AKAP12: variants seen among roughly 807,000 people sequenced by gnomAD.
The protein encoded by AKAP12 is A-kinase anchoring protein 12.
In AKAP12, 32 loss-of-function variants were observed where a neutral mutation model predicts 79.9. The ratio of observed to expected loss-of-function variants is 0.40; its 90% confidence interval spans 0.30 to 0.54. The LOEUF (loss-of-function observed/expected upper bound fraction) is 0.54. Ranked by LOEUF, AKAP12 falls within the 20% of genes least tolerant of loss-of-function variation. The pLI, the probability that AKAP12 is intolerant of heterozygous loss-of-function variation, is 0.48. For synonymous variants in AKAP12, 808 were observed against 857.0 expected (o/e 0.94, Z 1.00); for missense variants, 2,074 against 2,177.0 (o/e 0.95, Z 0.94).
intron 2 of AKAP12, among the ~76,000 whole-genome samples, chr6:151,304,968 A>G (rs945285086): frequency 4.6e-5 from 7 of 152,220 alleles, no homozygotes; most frequent in African/African-American, 9.6e-5. Flanking sequence ...TAAGGAAAAA[A>G]CAATGACCCA....
chr6:151,244,919 A>C (rs1457290428), intron 2 of AKAP12, among the ~76,000 whole-genome samples: 1 of 152,224 alleles, frequency 6.6e-6, no homozygotes, highest in Admixed American at 6.5e-5. Flanking sequence ...CTAGTGGATG[A>C]ATAAGATAAG....
At chr6:151,348,680 T>TGGGGGGGCC in intron 3 of AKAP12, 31 bp from the exon 4 acceptor site, 2 of 355,200 alleles carry the variant, frequency 5.6e-6, no homozygotes, top group Non-Finnish European at 1.1e-5. Flanking sequence ...TTTTCTCTTC[T>TGGGGGGGCC]CCCCACCCCC....
intron 2 of AKAP12, among the ~76,000 whole-genome samples, chr6:151,299,155 A>G (rs1776802237): frequency 6.6e-6 from 1 of 152,208 alleles, no homozygotes; most frequent in Non-Finnish European, 1.5e-5. Context: ...CGTCCCGTTC[A>G]ATGTTTTTGA....
At chr6:151,293,616 C>T (rs1776664207) in intron 2 of AKAP12, among the ~76,000 whole-genome samples, 1 of 152,164 alleles carries the variant, frequency 6.6e-6, no homozygotes, top group Non-Finnish European at 1.5e-5. Context: ...GGTCTGTATT[C>T]TGTGCTCTGT....
At position 151,352,328 on chromosome 6, in the gene AKAP12, G is replaced by A; in HGVS notation, c.3937G>A (p.Glu1313Lys). 6.2e-7 allele frequency: 1 copy of A among 1,614,184 alleles called. No individual in the cohort carries two copies. The highest frequency in any genetic ancestry group is 1.1e-5 in the South Asian group (1 of 91,080). The change falls in exon 4 of 5, where the codon GAA (glutamate) becomes AAA (lysine). Residue 1313 changes from glutamate (E) to lysine (K), a missense_variant. Coordinates refer to ENST00000402676, the MANE Select transcript of AKAP12 (RefSeq NM_005100.4). The stretch of plus-strand genomic sequence containing the variant: ...TAAAGGTGAAGGGACAGAAGAAGCT[G>A]AATGTAAAAAGGATGATGCTCTTGA... ...ALKGEGTEEA[E>K]CKKDDALELQ...
chr6:151,305,631 C>A, intron 2 of AKAP12, 116 bp from the exon 3 acceptor site: 1 of 1,049,540 alleles, frequency 9.5e-7, no homozygotes, highest in Non-Finnish European at 1.4e-6. Flanking sequence ...TGTTTTTGAA[C>A]TTCCTTTTCT....
chr6:151,345,296 C>G (rs927061579), intron 3 of AKAP12, among the ~76,000 whole-genome samples: 1 of 151,000 alleles, frequency 6.6e-6, no homozygotes. Context: ...AGGATGGTCT[C>G]GATCTCCTGA....
At chr6:151,338,469 T>TC (rs1328459028) in intron 3 of AKAP12, among the ~76,000 whole-genome samples, 10 of 142,928 alleles carry the variant, frequency 7.0e-5, no homozygotes, top group Non-Finnish European at 1.1e-4. Context: ...TTTTTTTTTT[T>TC]CCCCGAGATG....
intron 2 of AKAP12, among the ~76,000 whole-genome samples, chr6:151,284,504 T>G (rs1001312589): frequency 6.6e-6 from 1 of 152,124 alleles, no homozygotes; most frequent in African/African-American, 2.4e-5. Context: ...AGTGTGCGCC[T>G]GTAGTCCCAG....
chr6:151,310,848 C>T (rs2473610), intron 3 of AKAP12, among the ~76,000 whole-genome samples: 5,769 of 152,268 alleles, frequency 0.038, 155 homozygotes, highest in Admixed American at 0.095. Flanking sequence ...TTGAGATTTG[C>T]GTCTCTGCAG....
intron 3 of AKAP12, among the ~76,000 whole-genome samples, chr6:151,312,052 T>C (rs540814719): frequency 2.0e-5 from 3 of 152,314 alleles, no homozygotes; most frequent in South Asian, 2.1e-4. Context: ...TGTGACATCA[T>C]TGGTATCTTG....
chr6:151,310,133 C>T (rs1465599508), intron 3 of AKAP12, among the ~76,000 whole-genome samples: 4 of 151,988 alleles, frequency 2.6e-5, no homozygotes, highest in East Asian at 1.9e-4. Flanking sequence ...GGGGCCGAGG[C>T]GAGTGGATCA....
At position 151,332,041 on chromosome 6, in the gene AKAP12, T is replaced by TTTG. The variant is rs1562743261; in HGVS notation, c.320-16668_320-16667insGTT. Among the ~76,000 whole-genome samples the TTTG allele has an allele frequency of 3.0e-4, 42 of 140,460 alleles. 1 individual carries two copies. Among genetic ancestry groups the TTTG allele is most frequent in the African/African-American group, 1.1e-3 (42 of 36,734 alleles). The allele number at this position is 140,460 out of a possible 152,430, so 92.1% of individuals were successfully genotyped here. On this transcript the variant is annotated intron_variant, in intron 3 of 4. Coordinates refer to ENST00000402676, the MANE Select transcript of AKAP12 (RefSeq NM_005100.4). ...CGTCCAGTTCTGGGTCTGTTTTTTTTTTTTTTTTTTTTTGAGACAGTCTCG... is the reference window on the plus strand; with the variant it reads ...CGTCCAGTTCTGGGTCTGTTTTTTTTTTGTTTTTTTTTTTTTGAGACAGTCTCG...
chr6:151,349,064 G>A lies in AKAP12; in HGVS notation c.673G>A (p.Ala225Thr), dbSNP rs141730074. The change falls in exon 4 of 5, where the codon GCA becomes ACA. Residue 225 changes from alanine (A) to threonine (T), a missense_variant. Transcript: ENST00000402676. ...HKDPSLGAGE[A>T]ASKESEPKQS... ...GGACCCCAGCCTTGGGGCTGGAGAA[G>A]CAGCATCCAAAGAAAGCGAACCCAA... The A allele has an allele frequency of 9.5e-5, 153 of 1,612,486 alleles. 1 individual carries two copies. In the African/African-American group the frequency reaches 1.8e-3, roughly 19 times the overall value.
At chr6:151,241,386 AC>A (rs1455723627) in intron 2 of AKAP12, among the ~76,000 whole-genome samples, 1 of 152,214 alleles carries the variant, frequency 6.6e-6, no homozygotes, top group Non-Finnish European at 1.5e-5. Flanking sequence ...GGTTTCGCAA[AC>A]CAGCCAGCGC....
intron 3 of AKAP12, among the ~76,000 whole-genome samples, chr6:151,344,700 G>A (rs1778043469): frequency 6.6e-6 from 1 of 151,834 alleles, no homozygotes; most frequent in South Asian, 2.1e-4. Flanking sequence ...CGCCTGGCTG[G>A]TTTTTGTATT....
chr6:151,259,453 T>TAC (rs1194708221), intron 2 of AKAP12, among the ~76,000 whole-genome samples: 1 of 146,216 alleles, frequency 6.8e-6, no homozygotes, highest in Non-Finnish European at 1.5e-5. Flanking sequence ...TGTATATATA[T>TAC]ACACACATAT....
intron 2 of AKAP12, among the ~76,000 whole-genome samples, chr6:151,273,052 C>T (rs767825274): frequency 1.8e-4 from 28 of 152,110 alleles, no homozygotes; most frequent in Non-Finnish European, 3.8e-4. Flanking sequence ...GGACTATAGG[C>T]GCCTGCCACC....
At chr6:151,336,503 G>T (rs527996588) in intron 3 of AKAP12, among the ~76,000 whole-genome samples, 42 of 152,234 alleles carry the variant, frequency 2.8e-4, no homozygotes, top group African/African-American at 8.7e-4. Flanking sequence ...CCAGCACTTT[G>T]GGAGGCTGAG....
Sources: gnomAD v4.1 joint callset for allele counts (sites outside exome capture counted in the v4.1 genomes callset) on GRCh38, gnomAD v4.1.1 for gene constraint, MANE v1.5 for transcripts, NCBI Gene and HGNC (gene_info 2026-07-23, HGNC 2026-07-21) for gene names.